Variants in CFAP54 observed in about 807,000 individuals in gnomAD.
The protein encoded by CFAP54 is cilia and flagella associated protein 54.
CFAP54 carries 290 observed loss-of-function variants against 370.4 expected under a neutral mutation model. The observed-to-expected ratio is 0.78, with a 90% CI of 0.71 to 0.86. The LOEUF is 0.86. Ranked by LOEUF, CFAP54 falls within the 40% of genes least tolerant of loss-of-function variation. The probability of loss-of-function intolerance (pLI) is 0.00; values close to 1 mark genes in which losing one functional copy is unlikely to be tolerated. For missense variants in CFAP54, 3,399 were observed against 3,528.7 expected, an observed-to-expected ratio of 0.96 and a Z score of 0.93; for synonymous variants, 1,206 against 1,236.5, an observed-to-expected ratio of 0.98 and a Z score of 0.52.
chr12:96,544,567 G>C (rs1955617657), intron 14 of CFAP54, among the ~76,000 whole-genome samples: 2 of 151,984 alleles, frequency 1.3e-5, no homozygotes. Context: ...GAAATTCTTT[G>C]ACCTACCTTG....
At chr12:96,720,348 A>C in intron 49 of CFAP54, 57 bp from the exon 50 acceptor site, 2 of 1,275,130 alleles carry the variant, frequency 1.6e-6, no homozygotes, top group Non-Finnish European at 1.0e-6. Context: ...TAAAGAAGAA[A>C]GAGACAGTAT....
intron 55 of CFAP54, among the ~76,000 whole-genome samples, chr12:96,750,816 A>G (rs1958173738): frequency 6.6e-6 from 1 of 152,236 alleles, no homozygotes; most frequent in Non-Finnish European, 1.5e-5. Flanking sequence ...GTATTATATT[A>G]AACACAGACT....
At chr12:96,782,273 A>C (rs1958587632) in intron 60 of CFAP54, among the ~76,000 whole-genome samples, 1 of 152,124 alleles carries the variant, frequency 6.6e-6, no homozygotes, top group Non-Finnish European at 1.5e-5. Context: ...AAGAGTAAGA[A>C]AATGCTATTA....
Position 96,757,551 on chromosome 12 carries a change from CAAAGATAAA to C in CFAP54, c.8006_8014del (p.Lys2669_Lys2671del). 2 of 1,598,298 alleles carry C rather than the reference CAAAGATAAA, an allele frequency of 1.3e-6. No homozygotes were observed. Among genetic ancestry groups the C allele is most frequent in the East Asian group, 4.5e-5 (2 of 44,748 alleles). Reference sequence around the variant, plus strand: ...CTATTGTATTTTCATCTGAAGAAGCCAAAGATAAAAATTTCAGGATCACCATTAACACTT... The same window carrying C: ...CTATTGTATTTTCATCTGAAGAAGCCAATTTCAGGATCACCATTAACACTT... On this transcript the variant is annotated inframe_deletion, in exon 58 of 68. Transcript: ENST00000524981.
chr12:96,570,921 C>T (rs1481439187), intron 19 of CFAP54, among the ~76,000 whole-genome samples: 1 of 152,098 alleles, frequency 6.6e-6, no homozygotes, highest in Non-Finnish European at 1.5e-5. Flanking sequence ...TATCTTATTA[C>T]TTGTATATTT....
chr12:96,583,562 C>T (rs577867844), intron 22 of CFAP54, among the ~76,000 whole-genome samples: 5 of 152,264 alleles, frequency 3.3e-5, no homozygotes, highest in Admixed American at 3.3e-4. Flanking sequence ...ATTTATTATT[C>T]CACTTATTAT....
intron 66 of CFAP54, among the ~76,000 whole-genome samples, chr12:96,831,248 A>G (rs920181081): frequency 3.3e-5 from 5 of 152,202 alleles, no homozygotes; most frequent in African/African-American, 1.2e-4. Context: ...TAGAGCTACT[A>G]TTTTTGTGGC....
At chr12:96,782,753 A>G (rs2136691520) in intron 60 of CFAP54, among the ~76,000 whole-genome samples, 1 of 152,334 alleles carries the variant, frequency 6.6e-6, no homozygotes, top group South Asian at 2.1e-4. Context: ...ATATGAAAGA[A>G]CAAAAGGCAA....
At chr12:96,822,934 T>C (rs1310367918) in intron 65 of CFAP54, among the ~76,000 whole-genome samples, 1 of 152,180 alleles carries the variant, frequency 6.6e-6, no homozygotes, top group East Asian at 1.9e-4. Context: ...GGCTCAGCAA[T>C]TTATTATGTT....
chr12:96,677,147 C>T (rs573700149), intron 39 of CFAP54, among the ~76,000 whole-genome samples: 1 of 151,974 alleles, frequency 6.6e-6, no homozygotes, highest in East Asian at 1.9e-4. Context: ...GGACTACAGG[C>T]ACATGCCCCT....
chr12:96,688,350 T>G (rs1810083543), intron 42 of CFAP54, among the ~76,000 whole-genome samples: 1 of 152,174 alleles, frequency 6.6e-6, no homozygotes, highest in Admixed American at 6.5e-5. Flanking sequence ...TTAGGGGGAA[T>G]TATTTAACCG....
chr12:96,829,566 T>A (rs944231539), intron 66 of CFAP54, among the ~76,000 whole-genome samples: 5 of 152,140 alleles, frequency 3.3e-5, no homozygotes, highest in African/African-American at 1.2e-4. Flanking sequence ...AGGTGCCATT[T>A]ACATAGCTAG....
chr12:96,556,416 G>T (rs1381034010), intron 17 of CFAP54, among the ~76,000 whole-genome samples: 2 of 150,370 alleles, frequency 1.3e-5, no homozygotes, highest in African/African-American at 4.9e-5. Context: ...CAAATTAAAT[G>T]CTTTTGCTTT....
At chr12:96,651,854 T>C (rs1346367459) in intron 36 of CFAP54, 39 bp downstream of exon 36, 1 of 1,305,368 alleles carries the variant, frequency 7.7e-7, no homozygotes, top group Non-Finnish European at 1.1e-6. Context: ...TATATTCAGT[T>C]AAAAATATCG....
chr12:96,633,534 G>A (rs1353791476), intron 32 of CFAP54, among the ~76,000 whole-genome samples: 3 of 152,198 alleles, frequency 2.0e-5, no homozygotes, highest in African/African-American at 7.2e-5. Flanking sequence ...GACCACCACA[G>A]TATGTAACCT....
chr12:96,704,243 C>T (rs754989261), intron 46 of CFAP54, among the ~76,000 whole-genome samples: 12 of 151,388 alleles, frequency 7.9e-5, no homozygotes, highest in East Asian at 3.9e-4. Flanking sequence ...CTGGCTAACA[C>T]GGTGAAACCC....
At chr12:96,572,870 A>G (rs1955936517) in intron 19 of CFAP54, 23 of 985,422 alleles carry the variant, frequency 2.3e-5, no homozygotes, top group Non-Finnish European at 2.5e-5. Context: ...TGTTATAGCC[A>G]TGGCAGAACA....
At position 96,743,802 on chromosome 12, in the gene CFAP54, A is replaced by T. The variant is rs1264173663; in HGVS notation, c.7449A>T (p.Leu2483=). ...CACGGCTAACCCTGGCAAGAAGCCT[A>T]GTTTTGCTGGATGACTTAACCAAAG... is the stretch of plus-strand genomic sequence containing the variant. The part of the protein sequence containing the change: ...PQSRLTLARS[L]VLLDDLTKAE... The change falls in exon 54 of 68, where the codon CTA becomes CTT. Residue 2483 remains leucine (L), a synonymous_variant. Transcript: ENST00000524981. The T allele has an allele frequency of 6.2e-6, 10 of 1,613,944 alleles. No homozygotes were observed. The highest frequency in any genetic ancestry group is 8.5e-6 in the Non-Finnish European group (10 of 1,179,878).
intron 26 of CFAP54, among the ~76,000 whole-genome samples, chr12:96,619,184 T>C (rs1956457867): frequency 6.6e-6 from 1 of 152,124 alleles, no homozygotes; most frequent in South Asian, 2.1e-4. Context: ...CTGAAAACAT[T>C]CAAAAACAAG....
Sources: allele counts gnomAD v4.1 joint callset (sites outside exome capture counted in the v4.1 genomes callset), GRCh38; gene constraint gnomAD v4.1.1; transcripts MANE v1.5; gene names NCBI Gene and HGNC (gene_info 2026-07-23, HGNC 2026-07-21).